AKT3: variants seen among roughly 807,000 people sequenced by gnomAD.
AKT3 encodes AKT serine/threonine kinase 3, also known as RAC-gamma serine/threonine-protein kinase.
In AKT3, 15 loss-of-function variants were observed where a neutral mutation model predicts 65.3. The observed-to-expected ratio is 0.23, with a 90% CI of 0.15 to 0.35. The LOEUF (loss-of-function observed/expected upper bound fraction) is 0.35. Ranked by LOEUF, AKT3 falls within the 10% of genes least tolerant of loss-of-function variation. The pLI is 1.00. For missense variants in AKT3, 243 were observed against 576.5 expected (o/e 0.42, Z 5.92); for synonymous variants, 206 against 183.8 (o/e 1.12, Z -0.98).
At chr1:243,488,679 A>T (rs1186081699) in intron 13 of AKT3, among the ~76,000 whole-genome samples, 2 of 152,184 alleles carry the variant, frequency 1.3e-5, no homozygotes, top group Non-Finnish European at 2.9e-5. Context: ...AGACCTTTCC[A>T]GCTGAACAAT....
chr1:243,792,874 A>C (rs1203567068), intron 2 of AKT3, among the ~76,000 whole-genome samples: 2 of 152,244 alleles, frequency 1.3e-5, no homozygotes. Flanking sequence ...CAAACACATT[A>C]AAATGAATTT....
At chr1:243,632,995 G>T (rs59190278) in intron 6 of AKT3, among the ~76,000 whole-genome samples, 1 of 152,118 alleles carries the variant, frequency 6.6e-6, no homozygotes. Context: ...TTCCATATTA[G>T]CAATGAGTCT....
At chr1:243,609,683 A>G (rs527944543) in intron 8 of AKT3, among the ~76,000 whole-genome samples, 2 of 152,298 alleles carry the variant, frequency 1.3e-5, no homozygotes, top group East Asian at 3.9e-4. Context: ...TCAAAATATT[A>G]AATAATACTT....
chr1:243,699,739 T>C (rs561052890), intron 2 of AKT3, among the ~76,000 whole-genome samples: 2 of 152,048 alleles, frequency 1.3e-5, no homozygotes, highest in South Asian at 2.1e-4. Context: ...ACTATTACTT[T>C]ATATGGCAAC....
chr1:243,842,966 ACAAG>A (rs1695338418), intron 2 of AKT3, among the ~76,000 whole-genome samples, 155 bp downstream of exon 2: 1 of 152,152 alleles, frequency 6.6e-6, no homozygotes, highest in East Asian at 1.9e-4. Context: ...TCCCTTAATA[ACAAG>A]CAAATTCCTA....
At chr1:243,568,616 G>GT (rs1411346034) in intron 9 of AKT3, among the ~76,000 whole-genome samples, 1 of 152,170 alleles carries the variant, frequency 6.6e-6, no homozygotes, top group African/African-American at 2.4e-5. Context: ...GCACAAAATT[G>GT]TAACAAAAAT....
At chr1:243,795,881 T>C (rs1238706152) in intron 2 of AKT3, among the ~76,000 whole-genome samples, 1 of 151,862 alleles carries the variant, frequency 6.6e-6, no homozygotes, top group African/African-American at 2.4e-5. Flanking sequence ...GGCCAGGGAG[T>C]TGGTAGTGAA....
At chr1:243,594,225 C>T (rs1029219251) in intron 8 of AKT3, among the ~76,000 whole-genome samples, 1 of 152,108 alleles carries the variant, frequency 6.6e-6, no homozygotes, top group African/African-American at 2.4e-5. Flanking sequence ...CAAACCTATA[C>T]ACTAAAACTA....
chr1:243,763,010 AT>A (rs1689587865), intron 2 of AKT3, among the ~76,000 whole-genome samples: 1 of 152,098 alleles, frequency 6.6e-6, no homozygotes, highest in African/African-American at 2.4e-5. Context: ...CTCATTCTCC[AT>A]TAAGTATTGC....
At chr1:243,544,477 G>T (rs575015167) in intron 12 of AKT3, among the ~76,000 whole-genome samples, 10 of 152,088 alleles carry the variant, frequency 6.6e-5, no homozygotes, top group African/African-American at 2.4e-4. Context: ...ACGTAGGCAG[G>T]TATGGTGGCT....
At chr1:243,795,449 GTT>G (rs1193523598) in intron 2 of AKT3, among the ~76,000 whole-genome samples, 27 of 93,492 alleles carry the variant, frequency 2.9e-4, no homozygotes, top group African/African-American at 7.3e-4. Context: ...TGATCTCCTT[GTT>G]TTTTTTTTTT....
chr1:243,573,187 CAGCAG>C, intron 8 of AKT3, 139 bp from the exon 9 acceptor site: 2 of 965,672 alleles, frequency 2.1e-6, no homozygotes, highest in South Asian at 2.7e-5. Flanking sequence ...CACTCTTAGA[CAGCAG>C]CTGGCTTATC....
At chr1:243,783,154 G>A (rs1269708593) in intron 2 of AKT3, among the ~76,000 whole-genome samples, 2 of 116,998 alleles carry the variant, frequency 1.7e-5, no homozygotes, top group Non-Finnish European at 4.3e-5. Context: ...GAAGTGAACT[G>A]GTGAGTGGGG....
chr1:243,554,743 T>C (rs928068540), intron 10 of AKT3, among the ~76,000 whole-genome samples: 2 of 152,000 alleles, frequency 1.3e-5, no homozygotes, highest in African/African-American at 4.8e-5. Context: ...AACACAACAG[T>C]GGCATATACG....
intron 4 of AKT3, among the ~76,000 whole-genome samples, chr1:243,654,186 G>A (rs1681589873): frequency 6.6e-6 from 1 of 151,844 alleles, no homozygotes; most frequent in South Asian, 2.1e-4. Context: ...CTTTGACTTT[G>A]CAAAGTCTAA....
Position 243,801,241 on chromosome 1 carries a change from T to TGAAG in AKT3, c.46+41883_46+41884insCTTC, listed in dbSNP as rs1692364462. ...AACATTTCTTGAATGAATGAATGAATATTAAAAACAATTTCTATTATCTCT... is the reference window on the plus strand; with the variant it reads ...AACATTTCTTGAATGAATGAATGAATGAAGATTAAAAACAATTTCTATTATCTCT... On this transcript the variant is annotated intron_variant, in intron 2 of 13. Transcript: ENST00000673466. 2.0e-5 allele frequency among the ~76,000 whole-genome samples: 3 copies of TGAAG among 152,322 alleles called. No individual in the cohort carries two copies. The South Asian group carries it at 6.2e-4, about 32-fold the overall frequency.
chr1:243,684,974 C>T (rs2147988985), intron 3 of AKT3, among the ~76,000 whole-genome samples: 1 of 152,278 alleles, frequency 6.6e-6, no homozygotes, highest in Non-Finnish European at 1.5e-5. Context: ...AGTGTTTGTT[C>T]ATATCCTTTG....
intron 2 of AKT3, among the ~76,000 whole-genome samples, chr1:243,841,008 T>C (rs1695207446): frequency 6.6e-6 from 1 of 152,122 alleles, no homozygotes; most frequent in Non-Finnish European, 1.5e-5. Flanking sequence ...GTAGAAAAGA[T>C]AGGGAGATTT....
At chr1:243,844,053 A>C (rs1386080017) in intron 1 of AKT3, among the ~76,000 whole-genome samples, 3 of 152,240 alleles carry the variant, frequency 2.0e-5, no homozygotes, top group Non-Finnish European at 4.4e-5. Flanking sequence ...TTAAAAAATA[A>C]TTGATTTCAT....
Sources: gnomAD v4.1 joint callset for allele counts (sites outside exome capture counted in the v4.1 genomes callset) on GRCh38, gnomAD v4.1.1 for gene constraint, MANE v1.5 for transcripts, NCBI Gene and HGNC (gene_info 2026-07-23, HGNC 2026-07-21) for gene names.